KIAA0825: variants seen among roughly 807,000 people sequenced by gnomAD.
The protein encoded by KIAA0825 is uncharacterized protein KIAA0825.
KIAA0825 carries 119 observed loss-of-function variants against 147.6 expected under a neutral mutation model. The observed-to-expected ratio is 0.81, with a 90% confidence interval of 0.69 to 0.94. The LOEUF is 0.94. Among genes scored for constraint, KIAA0825 ranks in the 40% least tolerant of loss-of-function variants. The probability of loss-of-function intolerance (pLI) is 0.00; values close to 1 mark genes in which losing one functional copy is unlikely to be tolerated. For missense variants in KIAA0825, 1,381 were observed against 1,472.7 expected, an observed-to-expected ratio of 0.94 and a Z score of 1.02; for synonymous variants, 470 against 518.1, an observed-to-expected ratio of 0.91 and a Z score of 1.26.
chr5:94,611,425 T>C (rs369181845), intron 1 of KIAA0825, among the ~76,000 whole-genome samples: 8 of 152,008 alleles, frequency 5.3e-5, no homozygotes, highest in East Asian at 1.9e-4. Context: ...ATACAGGCTA[T>C]GACTAACCAA....
intron 20 of KIAA0825, among the ~76,000 whole-genome samples, chr5:94,224,596 CTA>C (rs1450422522): frequency 6.6e-6 from 1 of 152,084 alleles, no homozygotes; most frequent in Non-Finnish European, 1.5e-5. Context: ...GAGGTGATGA[CTA>C]TAAATGTTTT....
chr5:94,464,957 G>T lies in KIAA0825; in HGVS notation c.1975C>A (p.Leu659Ile), dbSNP rs1481032674. Reference protein sequence around the residue: ...ILPPKLAQEILVEVLEKSLSL... With the variant: ...ILPPKLAQEIIVEVLEKSLSL... ...AAAGATTTCTCCAGCACTTCCACTA[G>T]AATCTCCTGGGCTAACTTAGGAGGC... The change falls in exon 11 of 21, where the codon CTA becomes ATA. Residue 659 changes from leucine (L) to isoleucine (I), a missense_variant. Coordinates refer to ENST00000682413, the MANE Select transcript of KIAA0825 (RefSeq NM_001145678.3). 4 of 1,551,572 alleles carry T rather than the reference G, an allele frequency of 2.6e-6. No homozygotes were observed. In the African/African-American group the frequency reaches 4.1e-5, roughly 16 times the overall value.
At chr5:94,442,038 A>G (rs1316143114) in intron 13 of KIAA0825, among the ~76,000 whole-genome samples, 1 of 152,248 alleles carries the variant, frequency 6.6e-6, no homozygotes, top group Non-Finnish European at 1.5e-5. Context: ...AGCTTCTACT[A>G]GTGAACTAAG....
chr5:94,393,316 G>A (rs569312338), intron 17 of KIAA0825, among the ~76,000 whole-genome samples: 19 of 152,278 alleles, frequency 1.2e-4, no homozygotes, highest in Admixed American at 1.1e-3. Flanking sequence ...TCTTCAACTC[G>A]ACAAATTACT....
intron 20 of KIAA0825, among the ~76,000 whole-genome samples, chr5:94,315,578 A>G (rs1170647956): frequency 6.6e-6 from 1 of 151,708 alleles, no homozygotes; most frequent in South Asian, 2.1e-4. Flanking sequence ...ATAGCTTTCA[A>G]ATTCTTAGTA....
At chr5:94,501,636 A>G (rs1485721413) in intron 5 of KIAA0825, among the ~76,000 whole-genome samples, 1 of 152,222 alleles carries the variant, frequency 6.6e-6, no homozygotes, top group Non-Finnish European at 1.5e-5. Flanking sequence ...ATTTCAACCC[A>G]TTTAAAAAAT....
At chr5:94,582,402 T>A (rs759588973) in intron 2 of KIAA0825, 31 bp downstream of exon 2, 18 of 152,186 alleles carry the variant, frequency 1.2e-4, no homozygotes, top group Non-Finnish European at 2.1e-4. Flanking sequence ...TAGTATAAAT[T>A]ACTCAAAATA....
intron 16 of KIAA0825, 127 bp from the exon 17 acceptor site, chr5:94,396,636 A>G (rs1750690789): frequency 3.3e-6 from 2 of 614,538 alleles, no homozygotes; most frequent in African/African-American, 3.8e-5. Flanking sequence ...TGCCTGACAT[A>G]TTCCAACAGA....
chr5:94,306,741 G>C (rs990710223), intron 20 of KIAA0825, among the ~76,000 whole-genome samples: 2 of 151,688 alleles, frequency 1.3e-5, no homozygotes, highest in African/African-American at 4.8e-5. Context: ...TAACAATACC[G>C]AGCAATACTG....
intron 2 of KIAA0825, among the ~76,000 whole-genome samples, chr5:94,576,286 C>T (rs772649537): frequency 6.6e-6 from 1 of 152,104 alleles, no homozygotes; most frequent in Non-Finnish European, 1.5e-5. Context: ...TATTTGTCCC[C>T]TCCAACACTG....
At chr5:94,613,380 G>A (rs1585047935) in intron 1 of KIAA0825, among the ~76,000 whole-genome samples, 1 of 151,976 alleles carries the variant, frequency 6.6e-6, no homozygotes, top group East Asian at 1.9e-4. Context: ...TATTTTTTTG[G>A]TAGAGATGGG....
intron 20 of KIAA0825, among the ~76,000 whole-genome samples, chr5:94,302,445 C>T (rs189295110): frequency 3.3e-5 from 5 of 152,078 alleles, no homozygotes; most frequent in South Asian, 4.2e-4. Flanking sequence ...GATTTTAACA[C>T]GGGGTATTGA....
At chr5:94,238,130 T>G (rs1775155614) in intron 20 of KIAA0825, among the ~76,000 whole-genome samples, 1 of 152,186 alleles carries the variant, frequency 6.6e-6, no homozygotes, top group African/African-American at 2.4e-5. Flanking sequence ...TAACGATGGC[T>G]GTAACTGACT....
intron 20 of KIAA0825, among the ~76,000 whole-genome samples, chr5:94,226,271 T>A (rs1774156623): frequency 6.6e-6 from 1 of 151,874 alleles, no homozygotes; most frequent in Non-Finnish European, 1.5e-5. Flanking sequence ...AAAATGCTCA[T>A]CATCACTGGT....
intron 20 of KIAA0825, among the ~76,000 whole-genome samples, chr5:94,346,514 G>T (rs539436591): frequency 6.6e-6 from 1 of 152,264 alleles, no homozygotes; most frequent in East Asian, 1.9e-4. Flanking sequence ...AACTGCAGAA[G>T]TAGGAAAAGA....
At chr5:94,345,735 G>A (rs907640127) in intron 20 of KIAA0825, among the ~76,000 whole-genome samples, 2 of 151,862 alleles carry the variant, frequency 1.3e-5, no homozygotes, top group African/African-American at 4.8e-5. Context: ...AGGACAAGCT[G>A]CAGACAAAAC....
intron 20 of KIAA0825, among the ~76,000 whole-genome samples, chr5:94,288,849 A>G (rs1777764916): frequency 6.6e-6 from 1 of 152,174 alleles, no homozygotes; most frequent in Non-Finnish European, 1.5e-5. Flanking sequence ...ACCAGAGATT[A>G]TTTAAATATA....
intron 13 of KIAA0825, among the ~76,000 whole-genome samples, chr5:94,443,639 A>G (rs1275697634): frequency 1.3e-5 from 2 of 152,220 alleles, no homozygotes; most frequent in Non-Finnish European, 2.9e-5. Context: ...TTATAAAATC[A>G]TTGTGAAAAA....
In KIAA0825 at chr5:94,391,693, C is replaced by A; in HGVS notation, c.3298G>T (p.Ala1100Ser). 1 of 1,530,932 alleles carries A rather than the reference C, an allele frequency of 6.5e-7. No homozygotes were observed. The highest frequency in any genetic ancestry group is 8.8e-7 in the Non-Finnish European group (1 of 1,137,218). The allele number at this position is 1,530,932 out of a possible 1,614,324, so 94.8% of individuals were successfully genotyped here. A position where few individuals can be genotyped will look rare whatever the true frequency, so the allele number is the denominator to read the frequency against. Residue 1100 changes from alanine to serine, a missense_variant and splice_region_variant, in exon 18 of 21, where the codon GCA (alanine) becomes TCA (serine). Physicochemically the swap from Ala to Ser is moderately conservative, Grantham distance 99 (BLOSUM62 1). Transcript: ENST00000682413. ...LKARKLSTEC[A>S]FMTIEKSTAL... ...GTGCTTTTCTCTATTGTCATAAATG[C>A]ACTAAATACAAAGAAAGCATATACA...
Sources: gnomAD v4.1 joint callset for allele counts (sites outside exome capture counted in the v4.1 genomes callset) on GRCh38, gnomAD v4.1.1 for gene constraint, MANE v1.5 for transcripts, NCBI Gene and HGNC (gene_info 2026-07-23, HGNC 2026-07-21) for gene names.